The following PCDHGB5 variants were observed in gnomAD, a reference collection of about 807,000 sequenced individuals.
PCDHGB5 encodes protocadherin gamma-B5.
PCDHGB5 carries 48 observed loss-of-function variants against 62.9 expected under a neutral mutation model. The observed-to-expected ratio is 0.76, with a 90% CI of 0.61 to 0.97. The LOEUF (loss-of-function observed/expected upper bound fraction) is 0.97. Among genes scored for constraint, PCDHGB5 ranks in the 50% least tolerant of loss-of-function variants. The probability of loss-of-function intolerance (pLI) is 0.00; values close to 1 mark genes in which losing one functional copy is unlikely to be tolerated. For missense variants in PCDHGB5, 1,118 were observed against 1,198.6 expected (o/e 0.93, Z 0.99); for synonymous variants, 474 against 511.2 (o/e 0.93, Z 0.98).
At chr5:141,454,426 GAC>G (rs746508144) in intron 1 of PCDHGB5, among the ~76,000 whole-genome samples, 3 of 152,168 alleles carry the variant, frequency 2.0e-5, no homozygotes, top group Non-Finnish European at 2.9e-5. Context: ...TTTATTTAGA[GAC>G]AGAGTTTCAC....
At chr5:141,414,564 C>G in intron 1 of PCDHGB5, 1 of 1,613,948 alleles carries the variant, frequency 6.2e-7, no homozygotes, top group East Asian at 2.2e-5. Context: ...CCTACTTTAC[C>G]TATATCCCAG....
At position 141,485,841 on chromosome 5, in the gene PCDHGB5, C is replaced by G. The variant is rs969476505; in HGVS notation, c.2398-8966C>G. On this transcript the variant is annotated intron_variant, in intron 1 of 3. Transcript: ENST00000617380. This position sits in a 1 kb window ranked among gnomAD's most constrained non-coding sequence, Gnocchi z 5.7. Reference sequence around the variant, plus strand: ...GTCGATGGAGGGAACCCGCCGAGATCTGGCACCGCAGAGCTCCGGGTATCC... The same window carrying G: ...GTCGATGGAGGGAACCCGCCGAGATGTGGCACCGCAGAGCTCCGGGTATCC... 29 of 1,614,104 alleles carry G rather than the reference C, an allele frequency of 1.8e-5. No individual in the cohort carries two copies. The highest frequency in any genetic ancestry group is 2.2e-5 in the South Asian group (2 of 91,080).
intron 1 of PCDHGB5, among the ~76,000 whole-genome samples, chr5:141,407,122 G>A (rs987492570): frequency 3.9e-5 from 6 of 152,094 alleles, no homozygotes; most frequent in African/African-American, 1.4e-4. Context: ...GGTTTCAGTT[G>A]CTTTATTTTT....
intron 1 of PCDHGB5, chr5:141,422,606 C>A: frequency 6.2e-7 from 1 of 1,613,904 alleles, no homozygotes; most frequent in Non-Finnish European, 8.5e-7. Context: ...TCTTACTCTG[C>A]CTACATTCCC....
intron 1 of PCDHGB5, among the ~76,000 whole-genome samples, chr5:141,458,871 T>C (rs2098955493): frequency 6.6e-6 from 1 of 152,210 alleles, no homozygotes; most frequent in African/African-American, 2.4e-5. Flanking sequence ...TAGCTGGGAC[T>C]ACAGGCATGC....
chr5:141,502,468 C>A (rs1007796183), intron 2 of PCDHGB5, among the ~76,000 whole-genome samples: 6 of 151,190 alleles, frequency 4.0e-5, no homozygotes, highest in Non-Finnish European at 8.8e-5. Flanking sequence ...GGAATACTTC[C>A]CGCAGCATCA....
At chr5:141,401,626 C>G (rs1476531463) in intron 1 of PCDHGB5, among the ~76,000 whole-genome samples, 1 of 152,174 alleles carries the variant, frequency 6.6e-6, no homozygotes, top group Non-Finnish European at 1.5e-5. Flanking sequence ...TTTGTCTTAT[C>G]GTTTGGAGCT....
At chr5:141,498,346 C>T (rs780832000) in intron 2 of PCDHGB5, among the ~76,000 whole-genome samples, 1 of 150,796 alleles carries the variant, frequency 6.6e-6, no homozygotes, top group Non-Finnish European at 1.5e-5. Context: ...ATGGGAAAAG[C>T]CTATGCAAAA....
intron 1 of PCDHGB5, among the ~76,000 whole-genome samples, chr5:141,488,713 C>A (rs1165389103): frequency 6.6e-6 from 1 of 152,184 alleles, no homozygotes; most frequent in Non-Finnish European, 1.5e-5. Context: ...CTGGTTCAAG[C>A]AAAGTGGTGG....
chr5:141,469,394 G>A lies in PCDHGB5; in HGVS notation c.2398-25413G>A, dbSNP rs550152670. Among the ~76,000 whole-genome samples the A allele has an allele frequency of 2.5e-4, 38 of 152,198 alleles. 1 individual carries two copies. The highest frequency in any genetic ancestry group is 8.4e-4 in the African/African-American group (35 of 41,514). On this transcript the variant is annotated intron_variant, in intron 1 of 3. Coordinates refer to ENST00000617380, the MANE Select transcript of PCDHGB5 (RefSeq NM_018925.3). ...GATCGAGACCATCCTGGCCAACATG[G>A]TGAAACCCCGTTTCTACTAAAAATA...
At chr5:141,422,725 G>C (rs1424048338) in intron 1 of PCDHGB5, 1 of 1,606,156 alleles carries the variant, frequency 6.2e-7, no homozygotes, top group African/African-American at 1.3e-5. Flanking sequence ...TGTCCAGGGG[G>C]TGCCTCTGTC....
At chr5:141,458,921 C>T (rs1471065767) in intron 1 of PCDHGB5, among the ~76,000 whole-genome samples, 1 of 151,960 alleles carries the variant, frequency 6.6e-6, no homozygotes, top group East Asian at 1.9e-4. Flanking sequence ...TTTGTGGAGA[C>T]GGGGTCTCAC....
intron 1 of PCDHGB5, chr5:141,423,659 A>C (rs369390148): frequency 6.4e-7 from 1 of 1,551,038 alleles, no homozygotes; most frequent in African/African-American, 1.4e-5. Flanking sequence ...ACAAGTAATC[A>C]GGTGAGATTT....
At chr5:141,423,632 T>G in intron 1 of PCDHGB5, 1 of 1,602,602 alleles carries the variant, frequency 6.2e-7, no homozygotes, top group Non-Finnish European at 8.5e-7. Flanking sequence ...GCTATCATTT[T>G]AGGCAAATGT....
rs190955361 is a variant in PCDHGB5, at chr5:141,486,090, G to A, written c.2398-8717G>A. On this transcript the variant is annotated intron_variant, in intron 1 of 3. Transcript: ENST00000617380. The surrounding 1 kb of genome is among the most constrained non-coding windows in gnomAD (Gnocchi z 5.0). ...ACTACTGGAAAGCTTACTCTTTTGG[G>A]GCCCCTAGACTTTGAGAGTGAGAAT... 3 of 1,614,086 alleles carry A rather than the reference G, an allele frequency of 1.9e-6. No homozygotes were observed. The highest frequency in any genetic ancestry group is 1.6e-4 in the Middle Eastern group (1 of 6,062).
chr5:141,404,463 A>G lies in PCDHGB5; in HGVS notation c.2397+3939A>G, dbSNP rs969137248. 10 of 1,612,548 alleles carry G rather than the reference A, an allele frequency of 6.2e-6. No homozygotes were observed. In the South Asian group the frequency reaches 9.9e-5, roughly 16 times the overall value. ...ATCCAAGGGTCTCCTCTCTCCACCTATGTCTCTATTAACTCAGACACTGGT... is the reference window on the plus strand; with the variant it reads ...ATCCAAGGGTCTCCTCTCTCCACCTGTGTCTCTATTAACTCAGACACTGGT... On this transcript the variant is annotated intron_variant, in intron 1 of 3. Transcript: ENST00000617380.
rs1176011355 is a variant in PCDHGB5 at position 141,485,491 on chromosome 5, G to A, written c.2398-9316G>A. The A allele has an allele frequency of 1.2e-6, 2 of 1,614,142 alleles. No individual in the cohort carries two copies. Among genetic ancestry groups the A allele is most frequent in the Non-Finnish European group, 1.7e-6 (2 of 1,180,040 alleles). On this transcript the variant is annotated intron_variant, in intron 1 of 3. Transcript: ENST00000617380. This position sits in a 1 kb window ranked among gnomAD's most constrained non-coding sequence, Gnocchi z 5.7. ...TCAGTGCCAGCTGCATCGTGCCCCT[G>A]GAGTTTGTCACCGAAGGTCCTTTGG...
chr5:141,486,138 C>T lies in PCDHGB5; in HGVS notation c.2398-8669C>T. On this transcript the variant is annotated intron_variant, in intron 1 of 3. Transcript: ENST00000617380. This position sits in a 1 kb window ranked among gnomAD's most constrained non-coding sequence, Gnocchi z 5.0. ...AATTACTATGAATTTGATGTGCGGG[C>T]TCGCGATGGGGGTTCTCCAGCCATG... The T allele has an allele frequency of 6.2e-7, 1 of 1,614,212 alleles. No individual in the cohort carries two copies. The highest frequency in any genetic ancestry group is 1.3e-5 in the African/African-American group (1 of 75,052).
intron 2 of PCDHGB5, among the ~76,000 whole-genome samples, chr5:141,499,298 C>A (rs1239333151): frequency 6.6e-6 from 1 of 152,210 alleles, no homozygotes; most frequent in African/African-American, 2.4e-5. Context: ...ACACTACCAT[C>A]CCTCCTCTGA....
Sources: allele counts gnomAD v4.1 joint callset (sites outside exome capture counted in the v4.1 genomes callset), GRCh38; gene constraint gnomAD v4.1.1; non-coding constraint Gnocchi (gnomAD v3.1); transcripts MANE v1.5; gene names NCBI Gene and HGNC (gene_info 2026-07-23, HGNC 2026-07-21).